Variants in EEFSEC observed in about 807,000 individuals in gnomAD.
EEFSEC encodes the protein eukaryotic elongation factor, selenocysteine-tRNA specific.
In EEFSEC, 43 loss-of-function variants were observed where a neutral mutation model predicts 42.1. The ratio of observed to expected loss-of-function variants is 1.02; its 90% CI spans 0.80 to 1.32. The LOEUF (loss-of-function observed/expected upper bound fraction) is 1.32, where lower values mean the gene tolerates loss of function less well. Ranked by LOEUF, EEFSEC falls within the 40% of genes most tolerant of loss-of-function variation. The probability of loss-of-function intolerance (pLI) is 0.00; values close to 1 mark genes in which losing one functional copy is unlikely to be tolerated. For synonymous variants in EEFSEC, 354 were observed against 339.1 expected, an observed-to-expected ratio of 1.04 and a Z score of -0.48; for missense variants, 745 against 803.6, an observed-to-expected ratio of 0.93 and a Z score of 0.88.
intron 6 of EEFSEC, among the ~76,000 whole-genome samples, chr3:128,383,687 C>A (rs1485245028): frequency 1.3e-5 from 2 of 152,252 alleles, no homozygotes; most frequent in Non-Finnish European, 2.9e-5. Flanking sequence ...GCAGGCACCA[C>A]CCCCTTCCTG....
At chr3:128,407,526 C>G (rs1301437144) in intron 6 of EEFSEC, among the ~76,000 whole-genome samples, 3 of 152,100 alleles carry the variant, frequency 2.0e-5, no homozygotes, top group Non-Finnish European at 4.4e-5. Context: ...GCATATCCCA[C>G]TGAGGGCAGG....
chr3:128,166,513 G>A (rs888725736), intron 1 of EEFSEC, among the ~76,000 whole-genome samples: 6 of 152,068 alleles, frequency 3.9e-5, no homozygotes, highest in Non-Finnish European at 7.4e-5. Context: ...GACAGCGCAG[G>A]GCTGGATGGA....
chr3:128,346,505 A>G (rs1013377819), intron 5 of EEFSEC, among the ~76,000 whole-genome samples: 29 of 152,222 alleles, frequency 1.9e-4, no homozygotes, highest in African/African-American at 6.8e-4. Flanking sequence ...TGTTAACACA[A>G]CTAATAACAA....
chr3:128,163,327 T>C (rs2065209976), intron 1 of EEFSEC, among the ~76,000 whole-genome samples: 1 of 152,040 alleles, frequency 6.6e-6, no homozygotes, highest in African/African-American at 2.4e-5. Context: ...TGCATCCCTC[T>C]TGGTGTGAAC....
At chr3:128,179,511 C>T (rs978943348) in intron 1 of EEFSEC, among the ~76,000 whole-genome samples, 5 of 152,022 alleles carry the variant, frequency 3.3e-5, no homozygotes, top group Admixed American at 2.0e-4. Context: ...GGGAAATGAA[C>T]CAAAAGGGGC....
At chr3:128,198,901 G>A (rs1441444165) in intron 1 of EEFSEC, among the ~76,000 whole-genome samples, 2 of 150,924 alleles carry the variant, frequency 1.3e-5, no homozygotes, top group Non-Finnish European at 2.9e-5. Context: ...GCACTATCTT[G>A]GCTCACTGCA....
At chr3:128,299,291 C>T (rs2066741049) in intron 4 of EEFSEC, among the ~76,000 whole-genome samples, 1 of 152,038 alleles carries the variant, frequency 6.6e-6, no homozygotes, top group Admixed American at 6.5e-5. Flanking sequence ...AACTCATTGT[C>T]GTTTGGATTT....
At chr3:128,342,621 C>T (rs2067268373) in intron 5 of EEFSEC, among the ~76,000 whole-genome samples, 1 of 152,214 alleles carries the variant, frequency 6.6e-6, no homozygotes, top group Admixed American at 6.5e-5. Flanking sequence ...AGGATGAGGC[C>T]CTGGCTGTGC....
intron 1 of EEFSEC, among the ~76,000 whole-genome samples, chr3:128,219,042 G>A (rs2107843941): frequency 6.6e-6 from 1 of 152,342 alleles, no homozygotes; most frequent in East Asian, 1.9e-4. Flanking sequence ...ACGAGAGGAG[G>A]CTATGCCGAG....
intron 1 of EEFSEC, among the ~76,000 whole-genome samples, chr3:128,222,809 A>G (rs953465372): frequency 4.6e-5 from 7 of 152,230 alleles, no homozygotes; most frequent in African/African-American, 1.7e-4. Context: ...TTTTAGCTGT[A>G]TTATATATCA....
intron 1 of EEFSEC, among the ~76,000 whole-genome samples, chr3:128,216,965 A>G (rs1290641494): frequency 6.6e-6 from 1 of 152,258 alleles, no homozygotes; most frequent in Non-Finnish European, 1.5e-5. Flanking sequence ...GGACACGTAC[A>G]TATGTAGCTC....
chr3:128,224,460 C>G (rs1237628074), intron 1 of EEFSEC, among the ~76,000 whole-genome samples: 3 of 152,188 alleles, frequency 2.0e-5, no homozygotes, highest in Admixed American at 6.5e-5. Flanking sequence ...TAACATTTAT[C>G]ATGTTCCTAT....
chr3:128,378,458 G>C (rs996358895), intron 6 of EEFSEC, among the ~76,000 whole-genome samples: 8 of 152,180 alleles, frequency 5.3e-5, no homozygotes, highest in African/African-American at 1.9e-4. Context: ...AATCATGTTG[G>C]ATCTGTGCAC....
At chr3:128,182,878 C>CG (rs1262106998) in intron 1 of EEFSEC, among the ~76,000 whole-genome samples, 497 of 4,428 alleles carry the variant, frequency 0.11, 14 homozygotes, top group African/African-American at 0.3. Flanking sequence ...CCACAGAGAT[C>CG]GGGGCGGGGG....
At chr3:128,263,803 G>C (rs1234069765) in intron 3 of EEFSEC, among the ~76,000 whole-genome samples, 1 of 152,216 alleles carries the variant, frequency 6.6e-6, no homozygotes, top group Non-Finnish European at 1.5e-5. Flanking sequence ...GCATCTCCCG[G>C]CACACAGGTG....
At position 128,189,594 on chromosome 3, in the gene EEFSEC, G is replaced by A. The variant is rs139398544; in HGVS notation, c.316+35771G>A. Among the ~76,000 whole-genome samples the A allele has an allele frequency of 4.2e-5, 6 of 142,384 alleles. No homozygotes were observed. The East Asian group carries it at 1.0e-3, about 24-fold the overall frequency. The allele number at this position is 142,384 out of a possible 152,430, so 93.4% of individuals were successfully genotyped here. ...TTTTTTTCCGAGCCAGGGTCTGGCTGTCTTCCAGGCTGCAGTGCAGTGGCA... is the reference window on the plus strand; with the variant it reads ...TTTTTTTCCGAGCCAGGGTCTGGCTATCTTCCAGGCTGCAGTGCAGTGGCA... On this transcript the variant is annotated intron_variant, in intron 1 of 6. Coordinates refer to ENST00000254730, the MANE Select transcript of EEFSEC (RefSeq NM_021937.5).
At chr3:128,414,726 C>G in the EEFSEC span, among the ~76,000 whole-genome samples, 3 of 152,348 alleles carry the variant, frequency 2.0e-5, no homozygotes, top group East Asian at 5.8e-4. Context: ...CCGCCATCAT[C>G]ATCAGCATCA....
At chr3:128,412,240 T>C (rs1386010342), downstream of EEFSEC, among the ~76,000 whole-genome samples, 1 of 152,202 alleles carries the variant, frequency 6.6e-6, no homozygotes, top group African/African-American at 2.4e-5. Context: ...GGCTTATCAC[T>C]CTATTCTACA....
chr3:128,395,833 G>T (rs1374942099), intron 6 of EEFSEC, among the ~76,000 whole-genome samples: 1 of 152,180 alleles, frequency 6.6e-6, no homozygotes, highest in African/African-American at 2.4e-5. Context: ...GAATGGCAGT[G>T]GCCTCTCTTT....
Sources: allele counts gnomAD v4.1 joint callset (sites outside exome capture counted in the v4.1 genomes callset), GRCh38; gene constraint gnomAD v4.1.1; transcripts MANE v1.5; gene names NCBI Gene and HGNC (gene_info 2026-07-23, HGNC 2026-07-21).